Variants in HMGXB3 observed in about 807,000 individuals in gnomAD.
The protein encoded by HMGXB3 is HMG-box containing 3.
A neutral mutation model predicts 121.5 loss-of-function variants in HMGXB3; 45 were observed. That is an observed-to-expected ratio of 0.37 (90% confidence interval 0.29 to 0.47). The LOEUF (loss-of-function observed/expected upper bound fraction) is 0.47. HMGXB3 is among the 20% of genes least tolerant of loss of function. The pLI is 0.99. For synonymous variants in HMGXB3, 590 were observed against 624.1 expected, an observed-to-expected ratio of 0.95 and a Z score of 0.81; for missense variants, 1,376 against 1,602.2, an observed-to-expected ratio of 0.86 and a Z score of 2.41.
intron 11 of HMGXB3, 57 bp from the exon 12 acceptor site, chr5:150,036,579 C>A: frequency 2.1e-6 from 3 of 1,426,030 alleles, no homozygotes; most frequent in East Asian, 2.5e-5. Flanking sequence ...ATTATTTTAG[C>A]CTGAAGCTGG....
At chr5:150,016,071 A>C (rs1460459088) in intron 5 of HMGXB3, among the ~76,000 whole-genome samples, 2 of 152,228 alleles carry the variant, frequency 1.3e-5, no homozygotes, top group Non-Finnish European at 2.9e-5. Context: ...CTGGCCGGGC[A>C]CGGTGATATG....
intron 5 of HMGXB3, among the ~76,000 whole-genome samples, chr5:150,014,367 CAG>C (rs1193446370): frequency 6.6e-6 from 1 of 152,190 alleles, no homozygotes; most frequent in Non-Finnish European, 1.5e-5. Context: ...GGTTTATAAA[CAG>C]AGAATTCTTT....
At chr5:150,029,270 A>G (rs945879411) in intron 9 of HMGXB3, among the ~76,000 whole-genome samples, 1 of 151,446 alleles carries the variant, frequency 6.6e-6, no homozygotes, top group African/African-American at 2.4e-5. Context: ...TCCAAATTCC[A>G]TGGATTAGTG....
chr5:150,007,595 T>C (rs1029149246), intron 3 of HMGXB3, among the ~76,000 whole-genome samples: 20 of 152,230 alleles, frequency 1.3e-4, no homozygotes, highest in African/African-American at 4.3e-4. Flanking sequence ...TTCTTCTTTC[T>C]GGGAGAGCTT....
chr5:150,014,856 C>G, intron 5 of HMGXB3: 2 of 542,042 alleles, frequency 3.7e-6, no homozygotes, highest in South Asian at 4.3e-5. Context: ...CTGGTCTTCC[C>G]AAACACTGGA....
At chr5:150,027,784 C>A (rs1756268678) in intron 9 of HMGXB3, among the ~76,000 whole-genome samples, 1 of 152,154 alleles carries the variant, frequency 6.6e-6, no homozygotes, top group African/African-American at 2.4e-5. Context: ...AACTCCTGAC[C>A]TCAAGTGATC....
intron 6 of HMGXB3, among the ~76,000 whole-genome samples, chr5:150,021,052 C>T (rs1363879371): frequency 6.6e-6 from 1 of 152,070 alleles, no homozygotes; most frequent in African/African-American, 2.4e-5. Context: ...AACTTTAGAG[C>T]CATGGTTCTC....
chr5:150,047,386 T>C lies in HMGXB3; in HGVS notation c.2951-238T>C, dbSNP rs114277636. On this transcript the variant is annotated intron_variant, in intron 16 of 19. Transcript: ENST00000502717. ...GATTAAAAGCTGACTTATTTTAGGGTTTTTTTCAGTGGCGGTATGCAGGAT... is the reference window on the plus strand; with the variant it reads ...GATTAAAAGCTGACTTATTTTAGGGCTTTTTTCAGTGGCGGTATGCAGGAT... The C allele has an allele frequency of 6.7e-4, 328 of 492,390 alleles. 1 individual carries two copies. The highest frequency in any genetic ancestry group is 5.9e-3 in the African/African-American group (305 of 51,280). The allele number at this position is 492,390 out of a possible 1,614,324, so 30.5% of individuals were successfully genotyped here.
chr5:150,031,176 G>C (rs1313639488), intron 10 of HMGXB3, among the ~76,000 whole-genome samples: 1 of 152,204 alleles, frequency 6.6e-6, no homozygotes, highest in Non-Finnish European at 1.5e-5. Context: ...GTGTTCCACA[G>C]TTACATTTAG....
At chr5:150,004,663 G>C (rs531847762) in intron 1 of HMGXB3, among the ~76,000 whole-genome samples, 188 bp from the exon 2 acceptor site, 1 of 152,326 alleles carries the variant, frequency 6.6e-6, no homozygotes, top group South Asian at 2.1e-4. Context: ...TGCTCCAGGA[G>C]GGCTGAAGTG....
chr5:150,034,961 TTCTC>T (rs1756469050), intron 11 of HMGXB3, among the ~76,000 whole-genome samples: 1 of 152,220 alleles, frequency 6.6e-6, no homozygotes, highest in African/African-American at 2.4e-5. Flanking sequence ...GATTAATTAA[TTCTC>T]TCAGCCAGCC....
intron 15 of HMGXB3, 80 bp downstream of exon 15, chr5:150,042,049 G>T (rs896213900): frequency 2.6e-5 from 31 of 1,191,052 alleles, no homozygotes; most frequent in East Asian, 7.7e-5. Flanking sequence ...ATATCCCCAG[G>T]GGGTGGATAG....
intron 13 of HMGXB3, among the ~76,000 whole-genome samples, chr5:150,039,340 A>G (rs1756571055): frequency 6.6e-6 from 1 of 151,908 alleles, no homozygotes; most frequent in Non-Finnish European, 1.5e-5. Context: ...TCCTGCCCAT[A>G]TTTTGGTAGA....
At chr5:150,046,312 A>T (rs1300627305) in intron 16 of HMGXB3, among the ~76,000 whole-genome samples, 1 of 152,246 alleles carries the variant, frequency 6.6e-6, no homozygotes, top group Non-Finnish European at 1.5e-5. Context: ...ACTGTAACCC[A>T]TAGTGAGAAA....
chr5:150,041,499 A>G (rs920614027), intron 14 of HMGXB3, among the ~76,000 whole-genome samples: 2 of 152,248 alleles, frequency 1.3e-5, no homozygotes, highest in Admixed American at 1.3e-4. Flanking sequence ...TCGTTCATAA[A>G]GAATTAAATT....
intron 5 of HMGXB3, chr5:150,014,858 A>C (rs1180388281): frequency 1.8e-6 from 1 of 549,886 alleles, no homozygotes; most frequent in African/African-American, 2.0e-5. Context: ...GGTCTTCCCA[A>C]ACACTGGAGC....
At chr5:150,001,823 G>T (rs959400554) in intron 1 of HMGXB3, among the ~76,000 whole-genome samples, 2 of 152,128 alleles carry the variant, frequency 1.3e-5, no homozygotes, top group Non-Finnish European at 2.9e-5. Context: ...TTCCTAACCC[G>T]TTTTGCGCAG....
chr5:150,007,443 T>C (rs1755728443), intron 3 of HMGXB3, among the ~76,000 whole-genome samples: 2 of 152,236 alleles, frequency 1.3e-5, no homozygotes, highest in South Asian at 2.1e-4. Context: ...CTTATTTCAA[T>C]AGAAACAGTT....
intron 11 of HMGXB3, 91 bp downstream of exon 11, chr5:150,032,694 C>A: frequency 7.0e-7 from 1 of 1,428,288 alleles, no homozygotes; most frequent in Non-Finnish European, 9.5e-7. Context: ...TTTTAAAGTA[C>A]ATGGTGGTAG....
Sources: gnomAD v4.1 joint callset for allele counts (sites outside exome capture counted in the v4.1 genomes callset) on GRCh38, gnomAD v4.1.1 for gene constraint, MANE v1.5 for transcripts, NCBI Gene and HGNC (gene_info 2026-07-23, HGNC 2026-07-21) for gene names.